BBS9: variants seen among roughly 807,000 people sequenced by gnomAD.
BBS9 encodes protein PTHB1.
A neutral mutation model predicts 117.7 loss-of-function variants in BBS9; 89 were observed. That is an observed-to-expected ratio of 0.76 (90% CI 0.64 to 0.90). BBS9 has a LOEUF of 0.90. Ranked by LOEUF, BBS9 falls within the 40% of genes least tolerant of loss-of-function variation. The pLI, the probability that BBS9 is intolerant of heterozygous loss-of-function variation, is 0.00. For synonymous variants in BBS9, 379 were observed against 370.9 expected (o/e 1.02, Z -0.25); for missense variants, 982 against 1,042.2 (o/e 0.94, Z 0.80).
At position 33,394,006 on chromosome 7, in the gene BBS9, T is replaced by C. The variant is rs1827519811; in HGVS notation, c.2115+5862T>C. 2.0e-5 allele frequency among the ~76,000 whole-genome samples: 3 copies of C among 152,160 alleles called. No individual in the cohort carries two copies. In the South Asian group the frequency reaches 6.2e-4, roughly 31 times the overall value. ...TTTTTGCTAGCATGCCTTGCCTACATAGTGTCTACTACTGCATCATACTCC... is the reference window on the plus strand; with the variant it reads ...TTTTTGCTAGCATGCCTTGCCTACACAGTGTCTACTACTGCATCATACTCC... On this transcript the variant is annotated intron_variant, in intron 19 of 22. Transcript: ENST00000242067.
At chr7:33,417,504 T>C (rs1416033306) in intron 19 of BBS9, among the ~76,000 whole-genome samples, 2 of 152,220 alleles carry the variant, frequency 1.3e-5, no homozygotes, top group Admixed American at 6.5e-5. Context: ...TAAGATTACA[T>C]TGGCAAATAA....
chr7:33,482,960 GTA>G (rs1251440040), intron 19 of BBS9, among the ~76,000 whole-genome samples: 5 of 152,184 alleles, frequency 3.3e-5, no homozygotes, highest in African/African-American at 1.2e-4. Context: ...ATGAATATAA[GTA>G]TGTTAGTTAT....
chr7:33,421,648 T>G (rs1334941217), intron 19 of BBS9, among the ~76,000 whole-genome samples: 1 of 152,164 alleles, frequency 6.6e-6, no homozygotes, highest in Non-Finnish European at 1.5e-5. Flanking sequence ...TCTGGAATGT[T>G]GAGATATAGA....
At chr7:33,334,418 G>A (rs1814836721) in intron 9 of BBS9, among the ~76,000 whole-genome samples, 1 of 152,124 alleles carries the variant, frequency 6.6e-6, no homozygotes, top group South Asian at 2.1e-4. Flanking sequence ...CTGCGCTTTA[G>A]CACCCTAGAG....
chr7:33,440,959 C>T (rs1836076486), intron 19 of BBS9, among the ~76,000 whole-genome samples: 1 of 152,050 alleles, frequency 6.6e-6, no homozygotes, highest in Non-Finnish European at 1.5e-5. Context: ...TAGAAATATT[C>T]CATATTTTTA....
At chr7:33,331,999 A>T (rs1292125564) in intron 9 of BBS9, among the ~76,000 whole-genome samples, 1 of 152,214 alleles carries the variant, frequency 6.6e-6, no homozygotes, top group Non-Finnish European at 1.5e-5. Flanking sequence ...AGCCAAAGCA[A>T]TACTAAGCAA....
At chr7:33,456,979 A>T (rs1283287101) in intron 19 of BBS9, among the ~76,000 whole-genome samples, 1 of 152,208 alleles carries the variant, frequency 6.6e-6, no homozygotes, top group Non-Finnish European at 1.5e-5. Flanking sequence ...ATTAAGTGGG[A>T]CAAGGAGTAA....
chr7:33,150,738 G>C (rs1446444917), intron 2 of BBS9, among the ~76,000 whole-genome samples: 1 of 152,200 alleles, frequency 6.6e-6, no homozygotes, highest in African/African-American at 2.4e-5. Flanking sequence ...TACATGCTCT[G>C]AGAAGAATGT....
At chr7:33,527,612 A>C (rs1031077180) in intron 20 of BBS9, among the ~76,000 whole-genome samples, 7 of 152,154 alleles carry the variant, frequency 4.6e-5, no homozygotes, top group Non-Finnish European at 1.0e-4. Flanking sequence ...CGGCTCGCGC[A>C]CGGTGCGCAC....
At chr7:33,545,304 G>A (rs566897854) in intron 21 of BBS9, among the ~76,000 whole-genome samples, 15 of 152,150 alleles carry the variant, frequency 9.9e-5, no homozygotes, top group African/African-American at 3.1e-4. Context: ...CTGTTCCTCT[G>A]GCCACCCTCG....
At chr7:33,214,206 C>T (rs1788604053) in intron 5 of BBS9, among the ~76,000 whole-genome samples, 1 of 152,186 alleles carries the variant, frequency 6.6e-6, no homozygotes, top group Non-Finnish European at 1.5e-5. Context: ...GGTCCAGGTG[C>T]TCCCTCCTTG....
chr7:33,224,235 C>A (rs1790817754), intron 5 of BBS9, among the ~76,000 whole-genome samples: 1 of 152,104 alleles, frequency 6.6e-6, no homozygotes, highest in African/African-American at 2.4e-5. Context: ...CAGGTCAGTG[C>A]AATTAGCCTC....
chr7:33,300,648 A>T (rs1343615212), intron 9 of BBS9, among the ~76,000 whole-genome samples: 1 of 151,332 alleles, frequency 6.6e-6, no homozygotes, highest in African/African-American at 2.4e-5. Context: ...TGGGAATAGC[A>T]ATATCAATAC....
chr7:33,421,991 A>T (rs1832923426), intron 19 of BBS9, among the ~76,000 whole-genome samples: 1 of 152,174 alleles, frequency 6.6e-6, no homozygotes, highest in Non-Finnish European at 1.5e-5. Flanking sequence ...CCACCCAGAA[A>T]ATCATAGTTT....
At chr7:33,167,956 C>A (rs892653748) in intron 4 of BBS9, among the ~76,000 whole-genome samples, 1 of 152,056 alleles carries the variant, frequency 6.6e-6, no homozygotes, top group East Asian at 1.9e-4. Flanking sequence ...CCTATAATAA[C>A]ATAACAACCA....
At chr7:33,221,885 T>G (rs1013055629) in intron 5 of BBS9, among the ~76,000 whole-genome samples, 2 of 150,858 alleles carry the variant, frequency 1.3e-5, no homozygotes, top group Non-Finnish European at 3.0e-5. Context: ...TGATATGAAA[T>G]GCTTAAAAAT....
At chr7:33,345,393 A>C (rs950205856) in intron 12 of BBS9, among the ~76,000 whole-genome samples, 7 of 152,210 alleles carry the variant, frequency 4.6e-5, no homozygotes, top group African/African-American at 1.7e-4. Flanking sequence ...CAATTCACTT[A>C]GTCAAAACTT....
intron 1 of BBS9, among the ~76,000 whole-genome samples, chr7:33,138,152 G>A (rs1790832000): frequency 2.6e-5 from 4 of 152,220 alleles, no homozygotes. Flanking sequence ...AGACGAGGGA[G>A]AGAGTATGCA....
At chr7:33,178,790 T>C (rs1049470551) in intron 5 of BBS9, among the ~76,000 whole-genome samples, 10 of 152,154 alleles carry the variant, frequency 6.6e-5, no homozygotes, top group Admixed American at 4.6e-4. Context: ...TTTTTTTTTT[T>C]ATTAATACAT....
Sources: gnomAD v4.1 joint callset for allele counts (sites outside exome capture counted in the v4.1 genomes callset) on GRCh38, gnomAD v4.1.1 for gene constraint, MANE v1.5 for transcripts, NCBI Gene and HGNC (gene_info 2026-07-23, HGNC 2026-07-21) for gene names.